PTPRJ: variants seen among roughly 807,000 people sequenced by gnomAD.
The protein encoded by PTPRJ is protein tyrosine phosphatase receptor type J.
PTPRJ carries 129 observed loss-of-function variants against 141.3 expected under a neutral mutation model. The ratio of observed to expected loss-of-function variants is 0.91; its 90% CI spans 0.79 to 1.06. The LOEUF is 1.06. Among genes scored for constraint, PTPRJ ranks in the 50% least tolerant of loss-of-function variants. The probability of loss-of-function intolerance (pLI) is 0.00; values close to 1 mark genes in which losing one functional copy is unlikely to be tolerated. For missense variants in PTPRJ, 1,601 were observed against 1,679.7 expected (o/e 0.95, Z 0.82); for synonymous variants, 610 against 640.5 (o/e 0.95, Z 0.72).
intron 1 of PTPRJ, among the ~76,000 whole-genome samples, chr11:48,000,250 C>A (rs1854458944): frequency 6.6e-6 from 1 of 151,502 alleles, no homozygotes; most frequent in African/African-American, 2.4e-5. Context: ...AAGCGATCCT[C>A]CTACCTTACC....
intron 6 of PTPRJ, 62 bp from the exon 7 acceptor site, chr11:48,127,718 A>C (rs1590535727): frequency 5.2e-6 from 8 of 1,545,754 alleles, no homozygotes; most frequent in Non-Finnish European, 7.1e-6. Context: ...TGCCCTGATG[A>C]CCTCTCCCTC....
At chr11:48,053,591 T>A (rs1337218649) in intron 1 of PTPRJ, among the ~76,000 whole-genome samples, 1 of 141,566 alleles carries the variant, frequency 7.1e-6, no homozygotes, top group Non-Finnish European at 1.5e-5. Flanking sequence ...ATATATATAT[T>A]TTTGAGAGAC....
intron 1 of PTPRJ, among the ~76,000 whole-genome samples, chr11:48,029,503 C>T (rs964909013): frequency 6.6e-6 from 1 of 152,174 alleles, no homozygotes; most frequent in African/African-American, 2.4e-5. Flanking sequence ...CCTTTAACCT[C>T]TTCAAACCCG....
chr11:48,142,895 ATGTTTTGTTT>A lies in PTPRJ; in HGVS notation c.2444-12_2444-3del. ...CTTTGGTTTTCAATATTGGGTGATC[ATGTTTTGTTT>A]TGTTTTGTTTTAGATCCCCCTCCTC... On this transcript the variant is annotated splice_polypyrimidine_tract_variant and intron_variant, in intron 11 of 24. Transcript: ENST00000418331. The A allele has an allele frequency of 6.2e-7, 1 of 1,602,814 alleles. No homozygotes were observed. Among genetic ancestry groups the A allele is most frequent in the Non-Finnish European group, 8.5e-7 (1 of 1,174,414 alleles).
chr11:48,160,068 T>C lies in PTPRJ; in HGVS notation c.3558+19T>C, dbSNP rs1369493610. 3 of 1,611,960 alleles carry C rather than the reference T, an allele frequency of 1.9e-6. No individual in the cohort carries two copies. Among genetic ancestry groups the C allele is most frequent in the Non-Finnish European group, 2.5e-6 (3 of 1,178,306 alleles). ...GAAAAATGTAAGTAAGAAGTCAGGA[T>C]CAGTTGAGCTCATGTAATTACCATA... On this transcript the variant is annotated intron_variant, in intron 22 of 24. Transcript: ENST00000418331.
intron 15 of PTPRJ, among the ~76,000 whole-genome samples, chr11:48,148,020 T>G (rs768311497): frequency 6.6e-6 from 1 of 152,084 alleles, no homozygotes; most frequent in Non-Finnish European, 1.5e-5. Context: ...AATTTTTGTA[T>G]TTTTAGTAGA....
intron 1 of PTPRJ, among the ~76,000 whole-genome samples, chr11:48,076,933 T>C (rs1238543478): frequency 6.6e-6 from 1 of 152,164 alleles, no homozygotes; most frequent in Non-Finnish European, 1.5e-5. Flanking sequence ...AATGGCGCCA[T>C]CTCAGCTCAC....
At chr11:48,128,135 G>A (rs2134348656) in intron 7 of PTPRJ, 92 bp downstream of exon 7, 3 of 1,456,954 alleles carry the variant, frequency 2.1e-6, no homozygotes, top group East Asian at 2.3e-5. Flanking sequence ...AATGGTGACT[G>A]TTGGCTGACC....
intron 1 of PTPRJ, among the ~76,000 whole-genome samples, chr11:48,104,436 A>G (rs1422374577): frequency 1.3e-5 from 2 of 152,236 alleles, no homozygotes; most frequent in East Asian, 1.9e-4. Flanking sequence ...GATTTTAAAC[A>G]TTGCTTGAAG....
rs941863602 is a variant in PTPRJ, at chr11:48,041,490, T to A, written c.96+60482T>A. The stretch of plus-strand genomic sequence containing the variant: ...CAAAAATAAAGAAACCAGGGCCCTG[T>A]TTCTCTTTGTTTCTCAGATGAGAAG... On this transcript the variant is annotated intron_variant, in intron 1 of 24. Coordinates refer to ENST00000418331, the MANE Select transcript of PTPRJ (RefSeq NM_002843.4). Among the ~76,000 whole-genome samples, 3 of 152,294 alleles carry A rather than the reference T, an allele frequency of 2.0e-5. No individual in the cohort carries two copies. The East Asian group carries it at 5.8e-4, about 29-fold the overall frequency.
intron 1 of PTPRJ, among the ~76,000 whole-genome samples, chr11:48,006,830 A>G (rs1448109183): frequency 6.6e-6 from 1 of 152,140 alleles, no homozygotes; most frequent in Non-Finnish European, 1.5e-5. Flanking sequence ...ATAAAGACAG[A>G]AACCTCCCCT....
At chr11:48,133,401 G>A (rs1029842943) in intron 8 of PTPRJ, among the ~76,000 whole-genome samples, 3 of 152,106 alleles carry the variant, frequency 2.0e-5, no homozygotes, top group East Asian at 1.9e-4. Context: ...GCCTGGAATT[G>A]CATTGTCTCA....
chr11:48,144,291 A>G (rs1402542138), intron 12 of PTPRJ, among the ~76,000 whole-genome samples: 2 of 152,226 alleles, frequency 1.3e-5, no homozygotes, highest in African/African-American at 4.8e-5. Flanking sequence ...GAGGAAGGCC[A>G]TGTTGCATAG....
rs932711906 is a variant in PTPRJ, at chr11:48,168,373, T to G, written c.*1011T>G. On this transcript the variant is annotated 3_prime_UTR_variant, in exon 25 of 25. Transcript: ENST00000418331. ...GTTTTTAGTAACGTTTTACTCAGGT[T>G]GGCATTTTATGTGTCTGTGTCTGTA... 1 of 151,446 alleles carries G rather than the reference T, an allele frequency of 6.6e-6. No homozygotes were observed. Among genetic ancestry groups the G allele is most frequent in the South Asian group, 2.1e-4 (1 of 4,790 alleles). The allele number at this position is 151,446 out of a possible 1,614,324, so 9.4% of individuals were successfully genotyped here. A position where few individuals can be genotyped will look rare whatever the true frequency, so the allele number is the denominator to read the frequency against.
At chr11:48,022,412 C>G (rs1397327474) in intron 1 of PTPRJ, among the ~76,000 whole-genome samples, 7 of 151,354 alleles carry the variant, frequency 4.6e-5, no homozygotes, top group Admixed American at 1.3e-4. Context: ...TGCAGCGAGC[C>G]GAGATCGTGC....
Position 48,020,154 on chromosome 11 carries a change from C to G in PTPRJ, c.96+39146C>G, listed in dbSNP as rs577031996. Among the ~76,000 whole-genome samples the G allele has an allele frequency of 7.2e-5, 11 of 152,198 alleles. No homozygotes were observed. The South Asian group carries it at 1.9e-3, about 26-fold the overall frequency. Reference sequence around the variant, plus strand: ...GTGTTGTTCTTTTTCTTTTGTTTTACAGAGCTGAGTTTGGTGAAACTTCAG... The same window carrying G: ...GTGTTGTTCTTTTTCTTTTGTTTTAGAGAGCTGAGTTTGGTGAAACTTCAG... On this transcript the variant is annotated intron_variant, in intron 1 of 24. Coordinates refer to ENST00000418331, the MANE Select transcript of PTPRJ (RefSeq NM_002843.4).
chr11:47,987,214 GA>G (rs986155542), intron 1 of PTPRJ, among the ~76,000 whole-genome samples: 5 of 149,908 alleles, frequency 3.3e-5, no homozygotes, highest in Non-Finnish European at 5.9e-5. Flanking sequence ...GTCTCAAAAA[GA>G]AAAAAAATAA....
intron 1 of PTPRJ, among the ~76,000 whole-genome samples, chr11:48,053,143 TA>T (rs1321164815): frequency 1.8e-5 from 2 of 110,472 alleles, no homozygotes; most frequent in Non-Finnish European, 3.4e-5. Context: ...TATAAATATA[TA>T]AAAATAAATA....
chr11:48,139,016 C>T (rs902983876), intron 10 of PTPRJ, among the ~76,000 whole-genome samples: 1 of 152,106 alleles, frequency 6.6e-6, no homozygotes, highest in African/African-American at 2.4e-5. Context: ...GCCTGTAGTC[C>T]CAGCGACTTG....
Sources: allele counts gnomAD v4.1 joint callset (sites outside exome capture counted in the v4.1 genomes callset), GRCh38; gene constraint gnomAD v4.1.1; transcripts MANE v1.5; gene names NCBI Gene and HGNC (gene_info 2026-07-23, HGNC 2026-07-21).